The following LPAR1 variants were observed in gnomAD, a reference collection of about 807,000 sequenced individuals.
The protein encoded by LPAR1 is lysophosphatidic acid receptor 1.
In LPAR1, 5 loss-of-function variants were observed where a neutral mutation model predicts 23.8. The observed-to-expected ratio is 0.21, with a 90% CI of 0.11 to 0.44. The LOEUF (loss-of-function observed/expected upper bound fraction) is 0.44, where lower values mean the gene tolerates loss of function less well. Ranked by LOEUF, LPAR1 falls within the 20% of genes least tolerant of loss-of-function variation. LPAR1 has a pLI of 0.99. For synonymous variants in LPAR1, 160 were observed against 164.7 expected (o/e 0.97, Z 0.22); for missense variants, 311 against 482.8 (o/e 0.64, Z 3.33).
At chr9:110,917,642 G>T (rs779391346) in intron 5 of LPAR1, among the ~76,000 whole-genome samples, 1 of 152,122 alleles carries the variant, frequency 6.6e-6, no homozygotes, top group African/African-American at 2.4e-5. Flanking sequence ...CATCATAGCT[G>T]ATGCATCCAT....
chr9:110,901,626 C>A lies in LPAR1; in HGVS notation c.794-25904G>T, dbSNP rs181220233. 5.9e-5 allele frequency among the ~76,000 whole-genome samples: 9 copies of A among 152,238 alleles called. No individual in the cohort carries two copies. In the East Asian group the frequency reaches 1.7e-3, roughly 29 times the overall value. On this transcript the variant is annotated intron_variant, in intron 5 of 5. Coordinates refer to ENST00000683809, the MANE Select transcript of LPAR1 (RefSeq NM_001351411.2). ...ATGAGAACAGCATGGGAAAGACCCA[C>A]CTCCATGATTCAATTACCTCCCACC... is the stretch of plus-strand genomic sequence containing the variant.
At chr9:110,907,549 A>G (rs952305296) in intron 5 of LPAR1, among the ~76,000 whole-genome samples, 4 of 152,166 alleles carry the variant, frequency 2.6e-5, no homozygotes, top group East Asian at 3.8e-4. Flanking sequence ...AGCAACATCT[A>G]TATGAGTTCA....
intron 5 of LPAR1, among the ~76,000 whole-genome samples, chr9:110,888,246 T>C (rs1442349940): frequency 3.9e-5 from 6 of 152,168 alleles, no homozygotes; most frequent in Non-Finnish European, 8.8e-5. Context: ...TGGAGTTCTG[T>C]GTCATATTCG....
intron 5 of LPAR1, among the ~76,000 whole-genome samples, chr9:110,885,874 C>G (rs972221255): frequency 6.6e-6 from 1 of 152,078 alleles, no homozygotes; most frequent in Non-Finnish European, 1.5e-5. Flanking sequence ...ACCAGCCTGA[C>G]CAATATGATA....
At chr9:110,898,510 C>T (rs569667004) in intron 5 of LPAR1, among the ~76,000 whole-genome samples, 13 of 152,112 alleles carry the variant, frequency 8.5e-5, no homozygotes, top group East Asian at 1.9e-4. Context: ...ACTATAAGAA[C>T]GCTATATTTA....
At chr9:110,930,818 G>A (rs537584170) in intron 5 of LPAR1, among the ~76,000 whole-genome samples, 1 of 152,044 alleles carries the variant, frequency 6.6e-6, no homozygotes, top group African/African-American at 2.4e-5. Flanking sequence ...CGGAGGCTGA[G>A]GCAGGAGAAT....
chr9:110,916,157 G>A (rs2093065760), intron 5 of LPAR1, among the ~76,000 whole-genome samples: 1 of 152,144 alleles, frequency 6.6e-6, no homozygotes, highest in Admixed American at 6.6e-5. Context: ...CATATAATTG[G>A]CACTGTGCTA....
rs549468319 is a variant in LPAR1, at chr9:110,924,374, A to G, written c.793+17047T>C. 2.6e-4 allele frequency among the ~76,000 whole-genome samples: 39 copies of G among 152,326 alleles called. No individual in the cohort carries two copies. In the South Asian group the frequency reaches 8.1e-3, roughly 32 times the overall value. Reference sequence around the variant, plus strand: ...AAATGCTCAAGACAATCTTTTAAAGAATCTATAAAGTGGTATGCATTATAT... The same window carrying G: ...AAATGCTCAAGACAATCTTTTAAAGGATCTATAAAGTGGTATGCATTATAT... On this transcript the variant is annotated intron_variant, in intron 5 of 5. Transcript: ENST00000683809.
At chr9:111,010,320 G>T (rs566401105) in intron 2 of LPAR1, among the ~76,000 whole-genome samples, 15 of 152,100 alleles carry the variant, frequency 9.9e-5, no homozygotes, top group African/African-American at 3.6e-4. Flanking sequence ...TGGTGTCCTA[G>T]TTCCCTTCTT....
At chr9:110,998,556 T>G (rs546152671) in intron 2 of LPAR1, among the ~76,000 whole-genome samples, 29 of 152,172 alleles carry the variant, frequency 1.9e-4, no homozygotes, top group Non-Finnish European at 3.8e-4. Context: ...TTAATGAAAC[T>G]CCTAAGAGCA....
chr9:110,984,381 A>G (rs1478274756), intron 2 of LPAR1, among the ~76,000 whole-genome samples: 1 of 152,030 alleles, frequency 6.6e-6, no homozygotes, highest in African/African-American at 2.4e-5. Flanking sequence ...CTCCAGTTCC[A>G]TCCATGTTGT....
At chr9:110,922,377 T>C (rs1473647431) in intron 5 of LPAR1, among the ~76,000 whole-genome samples, 1 of 152,174 alleles carries the variant, frequency 6.6e-6, no homozygotes, top group East Asian at 1.9e-4. Context: ...ATATCTGCTA[T>C]AATAAAAATG....
At chr9:110,999,569 T>C in intron 2 of LPAR1, 1 of 379,456 alleles carries the variant, frequency 2.6e-6, no homozygotes. Context: ...TTCTTACAGA[T>C]CTGAAGGCTG....
intron 4 of LPAR1, among the ~76,000 whole-genome samples, chr9:110,964,880 T>TTTG (rs2096148668): frequency 7.1e-6 from 1 of 141,520 alleles, no homozygotes; most frequent in Non-Finnish European, 1.5e-5. Context: ...TTTTTTTTTT[T>TTTG]TGAGACAGAG....
chr9:110,976,931 A>G (rs2096565951), intron 2 of LPAR1, among the ~76,000 whole-genome samples: 1 of 152,196 alleles, frequency 6.6e-6, no homozygotes. Flanking sequence ...CAATTTCCAA[A>G]TAAGAAAGCT....
chr9:110,923,622 T>C (rs1351128075), intron 5 of LPAR1, among the ~76,000 whole-genome samples: 1 of 152,238 alleles, frequency 6.6e-6, no homozygotes, highest in South Asian at 2.1e-4. Context: ...TTTATGGAGA[T>C]GTAACCCCAC....
At chr9:110,912,379 C>A (rs2134443348) in intron 5 of LPAR1, among the ~76,000 whole-genome samples, 1 of 151,992 alleles carries the variant, frequency 6.6e-6, no homozygotes, top group East Asian at 1.9e-4. Flanking sequence ...GATCCCTGAC[C>A]CAGAGATAGA....
intron 2 of LPAR1, among the ~76,000 whole-genome samples, chr9:110,975,532 T>G (rs1830833688): frequency 6.6e-6 from 1 of 152,196 alleles, no homozygotes; most frequent in African/African-American, 2.4e-5. Flanking sequence ...CCAGGGCCTA[T>G]GCTAAGATTC....
chr9:110,957,356 T>A (rs796616491), intron 4 of LPAR1, among the ~76,000 whole-genome samples: 103 of 144,924 alleles, frequency 7.1e-4, no homozygotes, highest in Middle Eastern at 3.5e-3. Flanking sequence ...AAAAAAATAA[T>A]AATAATAATA....
Sources: allele counts gnomAD v4.1 joint callset (sites outside exome capture counted in the v4.1 genomes callset), GRCh38; gene constraint gnomAD v4.1.1; transcripts MANE v1.5; gene names NCBI Gene and HGNC (gene_info 2026-07-23, HGNC 2026-07-21).